Variants in TNFSF4 observed in about 807,000 individuals in gnomAD.
TNFSF4 encodes tumor necrosis factor ligand superfamily member 4.
TNFSF4 carries 4 observed loss-of-function variants against 7.3 expected under a neutral mutation model. That is an observed-to-expected ratio of 0.55 (90% CI 0.27 to 1.25). The LOEUF (loss-of-function observed/expected upper bound fraction) is 1.25, where lower values mean the gene tolerates loss of function less well. Among genes scored for constraint, TNFSF4 ranks in the 50% most tolerant of loss-of-function variants. TNFSF4 has a pLI of 0.12. For synonymous variants in TNFSF4, 76 were observed against 83.7 expected, an observed-to-expected ratio of 0.91 and a Z score of 0.50; for missense variants, 181 against 208.8, an observed-to-expected ratio of 0.87 and a Z score of 0.82.
At chr1:173,401,461 C>G in the TNFSF4 span, among the ~76,000 whole-genome samples, 1,926 of 152,196 alleles carry the variant, frequency 0.013, 52 homozygotes, top group African/African-American at 0.044. Context: ...TACAGACTGT[C>G]CTCCCCAATG....
chr1:173,319,005 A>C, the TNFSF4 span, among the ~76,000 whole-genome samples: 1 of 152,186 alleles, frequency 6.6e-6, no homozygotes, highest in Admixed American at 6.5e-5. Flanking sequence ...CCATTCACTG[A>C]CCTGGAAAGG....
At chr1:173,450,261 G>GT in the TNFSF4 span, among the ~76,000 whole-genome samples, 21 of 152,232 alleles carry the variant, frequency 1.4e-4, no homozygotes, top group East Asian at 3.9e-4. Context: ...TCATATATAT[G>GT]TATGTATAAC....
At chr1:173,205,959 CA>C (rs1650168893) in intron 1 of TNFSF4, among the ~76,000 whole-genome samples, 1 of 152,204 alleles carries the variant, frequency 6.6e-6, no homozygotes. Context: ...TAACCACACA[CA>C]CTCTTACCAG....
the TNFSF4 span, among the ~76,000 whole-genome samples, chr1:173,292,409 A>G: frequency 3.3e-5 from 5 of 152,192 alleles, no homozygotes; most frequent in African/African-American, 1.2e-4. Flanking sequence ...AGATGCAGAA[A>G]AGGCTTTCAA....
the TNFSF4 span, among the ~76,000 whole-genome samples, chr1:173,423,903 A>G: frequency 6.6e-6 from 1 of 152,222 alleles, no homozygotes; most frequent in Non-Finnish European, 1.5e-5. Context: ...TCCAAGATCA[A>G]GGTGCCAGCA....
At chr1:173,238,199 A>C in the TNFSF4 span, among the ~76,000 whole-genome samples, 1 of 152,230 alleles carries the variant, frequency 6.6e-6, no homozygotes, top group African/African-American at 2.4e-5. Flanking sequence ...AAAACAGCCT[A>C]GCCATATGCA....
At chr1:173,221,074 T>C in the TNFSF4 span, among the ~76,000 whole-genome samples, 72 of 152,248 alleles carry the variant, frequency 4.7e-4, no homozygotes, top group Non-Finnish European at 3.5e-4. Flanking sequence ...AAGAACATTC[T>C]AGGCAGTAGG....
At chr1:173,227,348 T>C in the TNFSF4 span, among the ~76,000 whole-genome samples, 1 of 152,208 alleles carries the variant, frequency 6.6e-6, no homozygotes, top group East Asian at 1.9e-4. Context: ...TTTGATTATA[T>C]ATTTGATCAC....
the TNFSF4 span, among the ~76,000 whole-genome samples, chr1:173,252,835 A>G: frequency 6.6e-6 from 1 of 152,208 alleles, no homozygotes; most frequent in African/African-American, 2.4e-5. Flanking sequence ...AAACTTCCAT[A>G]GAAATTTCTG....
chr1:173,371,672 G>A, the TNFSF4 span, among the ~76,000 whole-genome samples: 1 of 152,168 alleles, frequency 6.6e-6, no homozygotes, highest in Non-Finnish European at 1.5e-5. Flanking sequence ...ATGGTTAGGG[G>A]AGACTAGTGC....
the TNFSF4 span, among the ~76,000 whole-genome samples, chr1:173,413,807 A>G: frequency 6.6e-6 from 1 of 152,190 alleles, no homozygotes; most frequent in Non-Finnish European, 1.5e-5. Context: ...AAACCAGCCA[A>G]TCCATGTACA....
At chr1:173,422,220 A>G in the TNFSF4 span, among the ~76,000 whole-genome samples, 2 of 145,312 alleles carry the variant, frequency 1.4e-5, no homozygotes, top group Non-Finnish European at 3.0e-5. Flanking sequence ...GACATTACCA[A>G]TGGCCATTAC....
the TNFSF4 span, among the ~76,000 whole-genome samples, chr1:173,315,401 A>G: frequency 6.6e-6 from 1 of 152,156 alleles, no homozygotes; most frequent in African/African-American, 2.4e-5. Flanking sequence ...TTTAAGGGTA[A>G]AGTCTAGACA....
chr1:173,300,752 T>C, the TNFSF4 span, among the ~76,000 whole-genome samples: 2 of 151,782 alleles, frequency 1.3e-5, no homozygotes, highest in Admixed American at 6.6e-5. Context: ...ACTGCTATGA[T>C]TAATTTCTAA....
chr1:173,436,433 G>T, the TNFSF4 span, among the ~76,000 whole-genome samples: 1 of 152,054 alleles, frequency 6.6e-6, no homozygotes, highest in Admixed American at 6.6e-5. Context: ...GTTTTGAGAC[G>T]GAGTCTTACT....
the TNFSF4 span, chr1:173,362,701 G>T: frequency 2.4e-6 from 1 of 409,546 alleles, no homozygotes; most frequent in Non-Finnish European, 4.8e-6. Context: ...TGCTGTCAGA[G>T]GAGGGAGGTA....
At chr1:173,444,965 G>A in the TNFSF4 span, among the ~76,000 whole-genome samples, 38 of 152,302 alleles carry the variant, frequency 2.5e-4, no homozygotes, top group African/African-American at 8.4e-4. Context: ...GCAAATGAAA[G>A]CCACAAGTAA....
At chr1:173,274,271 T>A in the TNFSF4 span, among the ~76,000 whole-genome samples, 1 of 152,246 alleles carries the variant, frequency 6.6e-6, no homozygotes, top group Non-Finnish European at 1.5e-5. Flanking sequence ...ATCGAAGTTA[T>A]TTACAATAAG....
the TNFSF4 span, among the ~76,000 whole-genome samples, chr1:173,378,857 A>G: frequency 7.8e-6 from 1 of 128,392 alleles, no homozygotes; most frequent in Non-Finnish European, 1.7e-5. Context: ...GAAATACCCA[A>G]GGGACCACAA....
Sources: gnomAD v4.1 joint callset for allele counts (sites outside exome capture counted in the v4.1 genomes callset) on GRCh38, gnomAD v4.1.1 for gene constraint, MANE v1.5 for transcripts, NCBI Gene and HGNC (gene_info 2026-07-23, HGNC 2026-07-21) for gene names.